Variants in RUNX3 observed in about 807,000 individuals in gnomAD.
The protein encoded by RUNX3 is RUNX family transcription factor 3.
In RUNX3, 10 loss-of-function variants were observed where a neutral mutation model predicts 27.7. The ratio of observed to expected loss-of-function variants is 0.36; its 90% CI spans 0.22 to 0.61. The LOEUF (loss-of-function observed/expected upper bound fraction) is 0.61. Ranked by LOEUF, RUNX3 falls within the 20% of genes least tolerant of loss-of-function variation. The probability of loss-of-function intolerance (pLI) is 0.72; values close to 1 mark genes in which losing one functional copy is unlikely to be tolerated. For synonymous variants in RUNX3, 270 were observed against 269.2 expected, an observed-to-expected ratio of 1.00 and a Z score of -0.03; for missense variants, 469 against 629.5, an observed-to-expected ratio of 0.75 and a Z score of 2.73.
At chr1:24,959,141 A>G (rs1378586370) in intron 2 of RUNX3, among the ~76,000 whole-genome samples, 1 of 152,154 alleles carries the variant, frequency 6.6e-6, no homozygotes, top group Non-Finnish European at 1.5e-5. Context: ...CCCTCCAGGT[A>G]ACCGAGGGAG....
chr1:24,936,264 C>T (rs1641348882), intron 2 of RUNX3, among the ~76,000 whole-genome samples: 1 of 152,192 alleles, frequency 6.6e-6, no homozygotes, highest in African/African-American at 2.4e-5. Context: ...CGACAGTTAT[C>T]ACTCCCATTT....
At chr1:24,932,297 G>T (rs1449593243), upstream of RUNX3, among the ~76,000 whole-genome samples, 1 of 146,996 alleles carries the variant, frequency 6.8e-6, no homozygotes, top group East Asian at 2.1e-4. Flanking sequence ...GGCTCCCCGT[G>T]GGCACCAGAT....
intron 2 of RUNX3, among the ~76,000 whole-genome samples, chr1:24,956,384 G>A (rs992294740): frequency 1.1e-4 from 16 of 152,210 alleles, no homozygotes; most frequent in African/African-American, 3.4e-4. Context: ...CCATCATGGC[G>A]GACCACACAG....
rs975007041 is a variant in RUNX3, at chr1:24,944,525, G to A, written c.59-14673C>T. 6.6e-5 allele frequency among the ~76,000 whole-genome samples: 10 copies of A among 152,166 alleles called. No homozygotes were observed. The South Asian group carries it at 8.3e-4, about 13-fold the overall frequency. ...TACCTTATATGGCAAAAGGGACTTC[G>A]CAGATGTGATGAAGGATAAAGACTT... On this transcript the variant is annotated intron_variant, in intron 2 of 6. Coordinates refer to the RUNX3 transcript ENST00000338888.
At chr1:24,958,649 G>A (rs1220284721) in intron 2 of RUNX3, among the ~76,000 whole-genome samples, 1 of 152,194 alleles carries the variant, frequency 6.6e-6, no homozygotes, top group Non-Finnish European at 1.5e-5. Flanking sequence ...GATCCACTGA[G>A]GGCTAAAGGC....
chr1:24,906,335 C>T (rs1321039341), intron 4 of RUNX3, among the ~76,000 whole-genome samples: 3 of 152,220 alleles, frequency 2.0e-5, no homozygotes, highest in Non-Finnish European at 4.4e-5. Flanking sequence ...TCAATTCATT[C>T]ATCTGCCAAG....
At position 24,943,378 on chromosome 1, in the gene RUNX3, C is replaced by T. The variant is rs1250711044; in HGVS notation, c.59-13526G>A. Among the ~76,000 whole-genome samples, 2 of 152,198 alleles carry T rather than the reference C, an allele frequency of 1.3e-5. No homozygotes were observed. The highest frequency in any genetic ancestry group is 4.8e-5 in the African/African-American group (2 of 41,452). On this transcript the variant is annotated intron_variant, in intron 2 of 6. Coordinates refer to the RUNX3 transcript ENST00000338888. This position sits in a 1 kb window ranked among gnomAD's most constrained non-coding sequence, Gnocchi z 4.6. The stretch of plus-strand genomic sequence containing the variant: ...ACCCTGAGGATGTTAGAATCTTCAT[C>T]GCAGTAGCTCCCACTGATGGTGTGC...
intron 2 of RUNX3, among the ~76,000 whole-genome samples, chr1:24,954,465 T>C (rs1641860831): frequency 6.6e-6 from 1 of 152,218 alleles, no homozygotes; most frequent in Admixed American, 6.5e-5. Context: ...AGAGGCTTAT[T>C]TTCAGGCCTG....
rs138379818 is a variant in RUNX3, at chr1:24,926,798, A to T, written c.439+776T>A. On this transcript the variant is annotated intron_variant, in intron 2 of 4. Coordinates refer to ENST00000308873, the MANE Select transcript of RUNX3 (RefSeq NM_004350.3). ...CCCACTTCAGCCACTTCTCGTAGGCAGGCTGGTCTTAAAGGGCCAGTGGAC... is the reference window on the plus strand; with the variant it reads ...CCCACTTCAGCCACTTCTCGTAGGCTGGCTGGTCTTAAAGGGCCAGTGGAC... Among the ~76,000 whole-genome samples, 12 of 152,260 alleles carry T rather than the reference A, an allele frequency of 7.9e-5. No homozygotes were observed. In the East Asian group the frequency reaches 1.9e-3, roughly 24 times the overall value.
chr1:24,957,075 C>T (rs1181182705), intron 2 of RUNX3, among the ~76,000 whole-genome samples: 1 of 152,222 alleles, frequency 6.6e-6, no homozygotes, highest in East Asian at 1.9e-4. Context: ...TGACTTTGGT[C>T]ACCCTTCAAA....
intron 2 of RUNX3, among the ~76,000 whole-genome samples, chr1:24,920,420 G>GT (rs1417595863): frequency 6.6e-6 from 1 of 152,132 alleles, no homozygotes; most frequent in African/African-American, 2.4e-5. Context: ...TCACCCTCGC[G>GT]TGTGAGGCTG....
intron 2 of RUNX3, among the ~76,000 whole-genome samples, chr1:24,955,683 G>A (rs1479593400): frequency 2.0e-5 from 3 of 152,190 alleles, no homozygotes; most frequent in African/African-American, 7.2e-5. Context: ...GGCTGTCGGG[G>A]TTCAGGCAAG....
At position 24,927,750 on chromosome 1, in the gene RUNX3, G is replaced by C; in HGVS notation, c.283-20C>G. 6.2e-7 allele frequency: 1 copy of C among 1,612,940 alleles called. No individual in the cohort carries two copies. The highest frequency in any genetic ancestry group is 8.5e-7 in the Non-Finnish European group (1 of 1,179,170). ...CACCACCTGAAGACACGGGGCGGGGGGATGCAGGGGGACAGCTTAGAAAGG... is the reference window on the plus strand; with the variant it reads ...CACCACCTGAAGACACGGGGCGGGGCGATGCAGGGGGACAGCTTAGAAAGG... On this transcript the variant is annotated intron_variant, in intron 1 of 4. Coordinates refer to ENST00000308873, the MANE Select transcript of RUNX3 (RefSeq NM_004350.3). The surrounding 1 kb of genome is among the most constrained non-coding windows in gnomAD (Gnocchi z 5.0).
intron 3 of RUNX3, among the ~76,000 whole-genome samples, chr1:24,911,192 C>T (rs539752802): frequency 7.2e-5 from 11 of 152,248 alleles, no homozygotes; most frequent in Admixed American, 5.2e-4. Flanking sequence ...GGACCACAGA[C>T]TGATCCGACA....
At chr1:24,945,429 A>G (rs765329146) in intron 2 of RUNX3, among the ~76,000 whole-genome samples, 1 of 152,216 alleles carries the variant, frequency 6.6e-6, no homozygotes, top group Non-Finnish European at 1.5e-5. Flanking sequence ...CCTACAGGGT[A>G]AAGTGTAAAT....
At chr1:24,936,026 G>A (rs1224036241) in intron 2 of RUNX3, among the ~76,000 whole-genome samples, 2 of 152,230 alleles carry the variant, frequency 1.3e-5, no homozygotes, top group Admixed American at 1.3e-4. Flanking sequence ...AAAGCAGCAG[G>A]TGCGTGCAGA....
At chr1:24,949,352 G>GC (rs951242277) in intron 2 of RUNX3, among the ~76,000 whole-genome samples, 2 of 152,138 alleles carry the variant, frequency 1.3e-5, no homozygotes, top group African/African-American at 4.8e-5. Context: ...GTCCAGGGCT[G>GC]CACTCCAGCC....
Position 24,962,376 on chromosome 1 carries a change from C to G in RUNX3, c.58+2138G>C, listed in dbSNP as rs371132830. The G allele has an allele frequency of 1.3e-5, 2 of 152,336 alleles. No individual in the cohort carries two copies. The highest frequency in any genetic ancestry group is 3.9e-4 in the East Asian group (2 of 5,184). The allele number at this position is 152,336 out of a possible 1,614,324, so 9.4% of individuals were successfully genotyped here. A position where few individuals can be genotyped will look rare whatever the true frequency, so the allele number is the denominator to read the frequency against. ...CTCCGAGGAGGAACCTGAAGGTTCC[C>G]TGAGACTGCCAAGGGTCGGTGGGTT... On this transcript the variant is annotated intron_variant, in intron 2 of 6. Coordinates refer to the RUNX3 transcript ENST00000338888. The surrounding 1 kb of genome is among the most constrained non-coding windows in gnomAD (Gnocchi z 4.5).
rs762686882 is a variant in RUNX3 at position 24,927,561 on chromosome 1, C to T, written c.439+13G>A. 3 of 1,613,908 alleles carry T rather than the reference C, an allele frequency of 1.9e-6. No homozygotes were observed. Among genetic ancestry groups the T allele is most frequent in the Non-Finnish European group, 2.5e-6 (3 of 1,179,866 alleles). ...TGCCAATGCTGAAATGGCGAGGCCT[C>T]CCTTCCACTTACCTCGCCCACTGCG... On this transcript the variant is annotated intron_variant, in intron 2 of 4. Transcript: ENST00000308873. The surrounding 1 kb of genome is among the most constrained non-coding windows in gnomAD (Gnocchi z 5.0).
Sources: allele counts gnomAD v4.1 joint callset (sites outside exome capture counted in the v4.1 genomes callset), GRCh38; gene constraint gnomAD v4.1.1; non-coding constraint Gnocchi (gnomAD v3.1); transcripts MANE v1.5; gene names NCBI Gene and HGNC (gene_info 2026-07-23, HGNC 2026-07-21).